Variants in ARHGAP10 observed in about 807,000 individuals in gnomAD.
ARHGAP10 encodes rho GTPase-activating protein 10.
A neutral mutation model predicts 108.6 loss-of-function variants in ARHGAP10; 87 were observed. The ratio of observed to expected loss-of-function variants is 0.80; its 90% CI spans 0.67 to 0.96. ARHGAP10 has a LOEUF of 0.96. ARHGAP10 is among the 40% of genes least tolerant of loss of function. The pLI, the probability that ARHGAP10 is intolerant of heterozygous loss-of-function variation, is 0.00. For synonymous variants in ARHGAP10, 347 were observed against 341.1 expected, an observed-to-expected ratio of 1.02 and a Z score of -0.19; for missense variants, 939 against 954.5, an observed-to-expected ratio of 0.98 and a Z score of 0.21.
intron 19 of ARHGAP10, among the ~76,000 whole-genome samples, chr4:148,040,105 G>A (rs1728565674): frequency 1.3e-5 from 2 of 152,168 alleles, no homozygotes; most frequent in African/African-American, 4.8e-5. Flanking sequence ...CTCCACTGGG[G>A]TCACCTAGGT....
chr4:147,887,745 C>G (rs1467088978), intron 10 of ARHGAP10, among the ~76,000 whole-genome samples: 2 of 151,832 alleles, frequency 1.3e-5, no homozygotes, highest in Non-Finnish European at 2.9e-5. Context: ...GCTTGTAGTC[C>G]CAGCTACTCA....
chr4:147,880,170 G>A (rs1735268516), intron 9 of ARHGAP10, among the ~76,000 whole-genome samples: 1 of 152,134 alleles, frequency 6.6e-6, no homozygotes, highest in Admixed American at 6.6e-5. Context: ...TAATGGCCTA[G>A]AGACAAAGCT....
At chr4:147,949,041 A>G (rs1007044456) in intron 15 of ARHGAP10, among the ~76,000 whole-genome samples, 4 of 151,988 alleles carry the variant, frequency 2.6e-5, no homozygotes, top group African/African-American at 7.2e-5. Flanking sequence ...GTTGTTTCCC[A>G]TCAGGTAGCC....
At chr4:147,950,942 A>G (rs2575585) in intron 15 of ARHGAP10, among the ~76,000 whole-genome samples, 129,636 of 151,990 alleles carry the variant, frequency 0.85, 57,678 homozygotes, top group Non-Finnish European at 0.97. Context: ...GCCAGCTTAG[A>G]TAAATATTAT....
At chr4:148,030,119 A>T (rs986742865) in intron 19 of ARHGAP10, among the ~76,000 whole-genome samples, 1 of 152,034 alleles carries the variant, frequency 6.6e-6, no homozygotes, top group Non-Finnish European at 1.5e-5. Flanking sequence ...GGAGGAGGAA[A>T]AAAAAAAAGC....
intron 19 of ARHGAP10, among the ~76,000 whole-genome samples, chr4:148,045,725 C>T (rs1006892571): frequency 2.2e-4 from 20 of 89,268 alleles, no homozygotes; most frequent in African/African-American, 6.9e-4. Context: ...GCAGCAAGAA[C>T]GAAACTCCAT....
At chr4:147,870,326 G>T (rs1440916720) in intron 7 of ARHGAP10, among the ~76,000 whole-genome samples, 3 of 152,262 alleles carry the variant, frequency 2.0e-5, no homozygotes, top group East Asian at 1.9e-4. Context: ...CTCCCAAAGT[G>T]TTGGGATTAC....
At chr4:148,011,323 G>A (rs756440316) in intron 18 of ARHGAP10, among the ~76,000 whole-genome samples, 1 of 152,208 alleles carries the variant, frequency 6.6e-6, no homozygotes, top group African/African-American at 2.4e-5. Flanking sequence ...TCTCCTTGAT[G>A]TCTAGAGCTT....
In ARHGAP10 at chr4:147,904,249, T is replaced by C. The variant is rs1333391884; in HGVS notation, c.1035-2389T>C. ...TTCTTTCTTTATTTTATTATTATTATACTTTAAGTTTTAGGGTACATGTGC... is the reference window on the plus strand; with the variant it reads ...TTCTTTCTTTATTTTATTATTATTACACTTTAAGTTTTAGGGTACATGTGC... On this transcript the variant is annotated intron_variant, in intron 10 of 22. Coordinates refer to ENST00000336498, the MANE Select transcript of ARHGAP10 (RefSeq NM_024605.4). Among the ~76,000 whole-genome samples the C allele has an allele frequency of 3.9e-5, 6 of 152,146 alleles. No individual in the cohort carries two copies. In the East Asian group the frequency reaches 1.2e-3, roughly 29 times the overall value.
At chr4:148,064,764 A>G (rs1729790719) in intron 22 of ARHGAP10, among the ~76,000 whole-genome samples, 1 of 150,096 alleles carries the variant, frequency 6.7e-6, no homozygotes, top group African/African-American at 2.5e-5. Flanking sequence ...CATTCAGGTC[A>G]TCTCTCTCCT....
intron 20 of ARHGAP10, among the ~76,000 whole-genome samples, chr4:148,055,376 C>G (rs1182711785): frequency 6.6e-6 from 1 of 152,116 alleles, no homozygotes; most frequent in Non-Finnish European, 1.5e-5. Context: ...TCTCCCTGAC[C>G]GCCTACCTCC....
rs368911996 is a variant in ARHGAP10 at position 147,955,418 on chromosome 4, T to C, written c.1450+44T>C. 71 of 1,539,632 alleles carry C rather than the reference T, an allele frequency of 4.6e-5. No individual in the cohort carries two copies. The African/African-American group carries it at 7.4e-4, about 16-fold the overall frequency. ...TATATAGGAACAGTTTTGTAGTTGGTAGTGAGCATAAACGAAAAATTTCCA... is the reference window on the plus strand; with the variant it reads ...TATATAGGAACAGTTTTGTAGTTGGCAGTGAGCATAAACGAAAAATTTCCA... On this transcript the variant is annotated intron_variant, in intron 16 of 22. Transcript: ENST00000336498.
intron 1 of ARHGAP10, among the ~76,000 whole-genome samples, chr4:147,758,884 C>T (rs1471826585): frequency 4.1e-5 from 6 of 148,122 alleles, no homozygotes; most frequent in East Asian, 2.0e-4. Flanking sequence ...GAGGCTGAGA[C>T]GTGAGAATTC....
chr4:147,782,321 T>A (rs1441731408), intron 1 of ARHGAP10, among the ~76,000 whole-genome samples: 2 of 152,134 alleles, frequency 1.3e-5, no homozygotes, highest in Admixed American at 6.6e-5. Context: ...TCTTTGAAGT[T>A]GTGTAGTGTC....
At chr4:147,821,043 T>C (rs1732473526) in intron 1 of ARHGAP10, among the ~76,000 whole-genome samples, 1 of 152,210 alleles carries the variant, frequency 6.6e-6, no homozygotes, top group Admixed American at 6.5e-5. Context: ...AACAGCCTCA[T>C]GCATGTACAG....
rs1283679489 is a variant in ARHGAP10, at chr4:148,053,009, G to C, written c.2027+5958G>C. Among the ~76,000 whole-genome samples the C allele has an allele frequency of 7.9e-5, 12 of 152,300 alleles. No individual in the cohort carries two copies. In the South Asian group the frequency reaches 1.7e-3, roughly 21 times the overall value. ...CCCTCTTGGCACTTCCAGGCTGAGA[G>C]ACCATGGAGCATTTAGTATTATGGG... On this transcript the variant is annotated intron_variant, in intron 20 of 22. Transcript: ENST00000336498.
intron 22 of ARHGAP10, chr4:148,065,232 G>GATC: frequency 6.6e-6 from 1 of 152,222 alleles, no homozygotes; most frequent in Non-Finnish European, 1.5e-5. Flanking sequence ...CTCCTCAGAA[G>GATC]AGTTCCAGGG....
intron 13 of ARHGAP10, among the ~76,000 whole-genome samples, chr4:147,923,888 C>G (rs1370954266): frequency 2.6e-5 from 4 of 152,102 alleles, no homozygotes; most frequent in Non-Finnish European, 4.4e-5. Flanking sequence ...CATATTTTAC[C>G]AATTGCGCAT....
At chr4:148,064,295 T>G in intron 21 of ARHGAP10, 121 bp from the exon 22 acceptor site, 3 of 677,992 alleles carry the variant, frequency 4.4e-6, no homozygotes, top group Non-Finnish European at 7.5e-6. Context: ...TAATTTCTCT[T>G]TTGGGAGGAG....
Sources: allele counts gnomAD v4.1 joint callset (sites outside exome capture counted in the v4.1 genomes callset), GRCh38; gene constraint gnomAD v4.1.1; transcripts MANE v1.5; gene names NCBI Gene and HGNC (gene_info 2026-07-23, HGNC 2026-07-21).